The following RIGI variants were observed in gnomAD, a reference collection of about 807,000 sequenced individuals.
RIGI encodes RNA sensor RIG-I.
chr9:32,506,861 G>A, the RIGI span, among the ~76,000 whole-genome samples: 1 of 152,102 alleles, frequency 6.6e-6, no homozygotes, highest in African/African-American at 2.4e-5. Flanking sequence ...TAATTCATAA[G>A]TGTTCATTCT....
chr9:32,476,935 G>A, the RIGI span: 1 of 1,487,850 alleles, frequency 6.7e-7, no homozygotes, highest in Non-Finnish European at 9.2e-7. Context: ...TCTTTTCAAT[G>A]AATAGTGCTG....
At chr9:32,480,482 G>T in the RIGI span, 1 of 918,094 alleles carries the variant, frequency 1.1e-6, no homozygotes, top group Non-Finnish European at 1.5e-6. Flanking sequence ...TTCCAACTTA[G>T]CTTTTTAAAG....
At chr9:32,487,556 C>G in the RIGI span, 12 of 1,614,066 alleles carry the variant, frequency 7.4e-6, no homozygotes, top group Non-Finnish European at 9.3e-6. Flanking sequence ...GAGAAGCACA[C>G]AGCTTGCAGA....
chr9:32,479,018 G>T, the RIGI span, among the ~76,000 whole-genome samples: 1 of 152,150 alleles, frequency 6.6e-6, no homozygotes, highest in African/African-American at 2.4e-5. Flanking sequence ...TGCATCACTG[G>T]CAAACGAGTG....
the RIGI span, among the ~76,000 whole-genome samples, chr9:32,498,740 T>C: frequency 2.1e-3 from 319 of 152,222 alleles, 2 homozygotes; most frequent in African/African-American, 7.4e-3. Flanking sequence ...CTCAACACTT[T>C]GGGAGGCTGA....
chr9:32,525,988 G>A, the RIGI span: 1 of 1,176,330 alleles, frequency 8.5e-7, no homozygotes, highest in Admixed American at 1.7e-5. Context: ...TTGATTAAAA[G>A]AAGGGAACGA....
At chr9:32,470,080 T>C in the RIGI span, among the ~76,000 whole-genome samples, 1 of 152,252 alleles carries the variant, frequency 6.6e-6, no homozygotes, top group African/African-American at 2.4e-5. Context: ...CTAAACATTA[T>C]TTTGATTTTA....
At chr9:32,508,204 C>T in the RIGI span, among the ~76,000 whole-genome samples, 14 of 130,888 alleles carry the variant, frequency 1.1e-4, no homozygotes, top group African/African-American at 3.4e-4. Flanking sequence ...TCCTAACAGA[C>T]TCAATCTAAA....
the RIGI span, among the ~76,000 whole-genome samples, chr9:32,525,735 A>G: frequency 2.6e-5 from 4 of 152,262 alleles, no homozygotes; most frequent in East Asian, 5.8e-4. Flanking sequence ...TTATTTCTCA[A>G]TCTCTGTCAG....
the RIGI span, chr9:32,489,378 C>T: frequency 6.2e-7 from 1 of 1,612,980 alleles, no homozygotes; most frequent in East Asian, 2.2e-5. Context: ...TTTTTCCTTT[C>T]ATAGCAGGCA....
the RIGI span, among the ~76,000 whole-genome samples, chr9:32,480,652 TAAGGA>T: frequency 6.6e-6 from 1 of 152,148 alleles, no homozygotes; most frequent in Non-Finnish European, 1.5e-5. Flanking sequence ...AATTTAAAAA[TAAGGA>T]AAGTAAATCA....
At chr9:32,491,056 C>T in the RIGI span, among the ~76,000 whole-genome samples, 1 of 151,718 alleles carries the variant, frequency 6.6e-6, no homozygotes, top group African/African-American at 2.4e-5. Context: ...CACGCCCATA[C>T]TTTCTTAGTG....
At chr9:32,480,369 A>C in the RIGI span, 1 of 1,575,176 alleles carries the variant, frequency 6.3e-7, no homozygotes, top group African/African-American at 1.3e-5. Context: ...TGAAAGTAAA[A>C]ACTGTCTCAA....
At chr9:32,521,089 G>A in the RIGI span, among the ~76,000 whole-genome samples, 5 of 126,544 alleles carry the variant, frequency 4.0e-5, no homozygotes, top group Non-Finnish European at 7.9e-5. Context: ...AGGTTGCAGT[G>A]AGCCAAGATC....
At chr9:32,492,629 C>A in the RIGI span, 6 of 1,479,568 alleles carry the variant, frequency 4.1e-6, no homozygotes, top group Admixed American at 8.8e-5. Context: ...CATGTACTAT[C>A]TGATTTAAAG....
At chr9:32,464,421 A>G in the RIGI span, among the ~76,000 whole-genome samples, 1 of 151,778 alleles carries the variant, frequency 6.6e-6, no homozygotes, top group Admixed American at 6.6e-5. Flanking sequence ...ACGGAGTCTT[A>G]CTCTGTTGCC....
the RIGI span, among the ~76,000 whole-genome samples, chr9:32,489,796 C>T: frequency 6.6e-6 from 1 of 152,210 alleles, no homozygotes; most frequent in Admixed American, 6.5e-5. Flanking sequence ...GCAACAAATC[C>T]TCCCACGATC....
At chr9:32,464,879 A>G in the RIGI span, among the ~76,000 whole-genome samples, 6 of 152,258 alleles carry the variant, frequency 3.9e-5, no homozygotes, top group South Asian at 1.2e-3. Flanking sequence ...ATGCTATTAC[A>G]TAGCCTGATT....
At chr9:32,469,737 T>G in the RIGI span, among the ~76,000 whole-genome samples, 1 of 152,224 alleles carries the variant, frequency 6.6e-6, no homozygotes, top group Non-Finnish European at 1.5e-5. Flanking sequence ...GTGTGAAGTT[T>G]GGATGTGATA....
Sources: allele counts gnomAD v4.1 joint callset (sites outside exome capture counted in the v4.1 genomes callset), GRCh38; gene constraint gnomAD v4.1.1; transcripts MANE v1.5; gene names NCBI Gene and HGNC (gene_info 2026-07-23, HGNC 2026-07-21).